Variants in DSG2 observed in about 807,000 individuals in gnomAD.
DSG2 encodes the protein desmoglein 2.
Under a neutral mutation model 75.6 loss-of-function variants are expected in DSG2, and 45 were observed. That is an observed-to-expected ratio of 0.60 (90% CI 0.47 to 0.76). The LOEUF is 0.76. Among genes scored for constraint, DSG2 ranks in the 30% least tolerant of loss-of-function variants. The pLI is 0.00. For missense variants in DSG2, 1,267 were observed against 1,357.4 expected, an observed-to-expected ratio of 0.93 and a Z score of 1.05; for synonymous variants, 429 against 483.9, an observed-to-expected ratio of 0.89 and a Z score of 1.49.
intron 8 of DSG2, among the ~76,000 whole-genome samples, chr18:31,526,168 T>C (rs1453289968): frequency 1.3e-5 from 2 of 152,146 alleles, no homozygotes; most frequent in African/African-American, 2.4e-5. Context: ...AGGAATAATA[T>C]CAGTGTATTT....
At chr18:31,530,245 T>C (rs2073186502) in intron 8 of DSG2, among the ~76,000 whole-genome samples, 1 of 152,138 alleles carries the variant, frequency 6.6e-6, no homozygotes, top group South Asian at 2.1e-4. Context: ...GTGTAATATA[T>C]AGCTATATTA....
Position 31,534,534 on chromosome 18 carries a change from G to A in DSG2, c.1281-736G>A, listed in dbSNP as rs191163873. Among the ~76,000 whole-genome samples, 523 of 78,024 alleles carry A rather than the reference G, an allele frequency of 6.7e-3. 5 individuals carry two copies. The highest frequency in any genetic ancestry group is 0.026 in the African/African-American group (511 of 19,990). The allele number at this position is 78,024 out of a possible 152,430, so 51.2% of individuals were successfully genotyped here. A position where few individuals can be genotyped will look rare whatever the true frequency, so the allele number is the denominator to read the frequency against. On this transcript the variant is annotated intron_variant, in intron 9 of 14. Coordinates refer to ENST00000261590, the MANE Select transcript of DSG2 (RefSeq NM_001943.5). ...TTTTTTTTTTTTTTTTTTTTGAGAT[G>A]GAGTTTTGCTCTGTCACCCAGGCTA...
At chr18:31,527,101 T>C (rs2073167361) in intron 8 of DSG2, among the ~76,000 whole-genome samples, 1 of 152,214 alleles carries the variant, frequency 6.6e-6, no homozygotes, top group Admixed American at 6.5e-5. Context: ...TGGTGAGTGC[T>C]CTATACAGCT....
At chr18:31,513,760 G>GA (rs2073079147) in intron 1 of DSG2, among the ~76,000 whole-genome samples, 1 of 152,178 alleles carries the variant, frequency 6.6e-6, no homozygotes, top group Non-Finnish European at 1.5e-5. Context: ...TAGGGACTGG[G>GA]AAAAATAGTA....
chr18:31,522,992 G>A (rs1488173309), intron 6 of DSG2, among the ~76,000 whole-genome samples: 1 of 152,162 alleles, frequency 6.6e-6, no homozygotes, highest in Non-Finnish European at 1.5e-5. Context: ...TTTTTTAAAT[G>A]CTGTATACAT....
chr18:31,513,730 C>T (rs1263695973), intron 1 of DSG2, among the ~76,000 whole-genome samples: 3 of 152,194 alleles, frequency 2.0e-5, no homozygotes, highest in African/African-American at 7.2e-5. Flanking sequence ...GACTTAATGA[C>T]TCACTCCCAA....
intron 8 of DSG2, among the ~76,000 whole-genome samples, chr18:31,525,283 A>C (rs1026085987): frequency 3.3e-5 from 5 of 152,194 alleles, no homozygotes; most frequent in African/African-American, 1.2e-4. Context: ...TGAGAAGCCA[A>C]GGCAGGCAGA....
intron 5 of DSG2, among the ~76,000 whole-genome samples, chr18:31,521,446 T>A (rs2073127981): frequency 6.6e-6 from 1 of 151,886 alleles, no homozygotes; most frequent in South Asian, 2.1e-4. Context: ...ACAGATAGGG[T>A]AGATTAATGT....
rs35743180 is a variant in DSG2, at chr18:31,538,974, G to C, written c.1875G>C (p.Leu625=). 362 of 1,613,076 alleles carry C rather than the reference G, an allele frequency of 2.2e-4. 2 individuals are homozygous for C. In the African/African-American group the frequency reaches 4.1e-3, roughly 18 times the overall value. The change falls in exon 12 of 15, where the codon CTG becomes CTC. Residue 625 remains leucine, a synonymous_variant. Transcript: ENST00000261590. ...IALMILAFLL[L]LLVPLLLLMC... ...TCATGATTTTGGCCTTTCTGCTCCT[G>C]CTATGTAAGTCTTTAAAAGCCACTC...
intron 1 of DSG2, among the ~76,000 whole-genome samples, chr18:31,515,394 T>G (rs1598807526): frequency 6.6e-6 from 1 of 152,232 alleles, no homozygotes; most frequent in African/African-American, 2.4e-5. Flanking sequence ...TGTGAGCCAC[T>G]GTACCCGGCC....
intron 3 of DSG2, among the ~76,000 whole-genome samples, chr18:31,520,272 A>G (rs1161974144): frequency 6.6e-6 from 1 of 152,150 alleles, no homozygotes; most frequent in African/African-American, 2.4e-5. Flanking sequence ...TTCAAGATGA[A>G]CTGGTGTCTA....
intron 6 of DSG2, chr18:31,522,740 A>C (rs1340447655): frequency 6.4e-6 from 1 of 155,750 alleles, no homozygotes; most frequent in Non-Finnish European, 1.4e-5. Flanking sequence ...CTCAGTTTGC[A>C]GTTCTCTAAT....
At chr18:31,520,581 A>C (rs907972968) in intron 3 of DSG2, among the ~76,000 whole-genome samples, 1 of 152,204 alleles carries the variant, frequency 6.6e-6, no homozygotes, top group African/African-American at 2.4e-5. Flanking sequence ...TATTCCAAAA[A>C]TATATTCCAA....
In DSG2 at chr18:31,542,551, G is replaced by A; in HGVS notation, c.2033G>A (p.Gly678Glu). 6.2e-7 allele frequency: 1 copy of A among 1,614,068 alleles called. No individual in the cohort carries two copies. Among genetic ancestry groups the A allele is most frequent in the Non-Finnish European group, 8.5e-7 (1 of 1,180,028 alleles). ...VVPSFLPVDQ[G>E]GSLVGRNGVG... ...CCATCATTTCTGCCAGTGGATCAAG[G>A]GGGCAGTCTAGTAGGAAGAAATGGA... The change falls in exon 14 of 15, where the codon GGG becomes GAG. Residue 678 changes from glycine to glutamate, a missense_variant. Transcript: ENST00000261590.
At chr18:31,533,066 C>CT (rs1358674641) in intron 9 of DSG2, among the ~76,000 whole-genome samples, 1 of 152,120 alleles carries the variant, frequency 6.6e-6, no homozygotes, top group Non-Finnish European at 1.5e-5. Context: ...AAGAAAAGGT[C>CT]TTAAAGACCA....
At chr18:31,530,845 A>C in intron 8 of DSG2, 142 bp from the exon 9 acceptor site, 4 of 739,252 alleles carry the variant, frequency 5.4e-6, no homozygotes, top group Non-Finnish European at 8.7e-6. Flanking sequence ...GTGTCAGTAT[A>C]AGAGTTGGAC....
intron 11 of DSG2, 140 bp downstream of exon 11, chr18:31,536,569 A>G (rs1417684217): frequency 1.2e-6 from 1 of 848,816 alleles, no homozygotes; most frequent in African/African-American, 1.7e-5. Flanking sequence ...TCCTGAACCT[A>G]CTGACATATA....
intron 1 of DSG2, among the ~76,000 whole-genome samples, chr18:31,513,629 T>C (rs1419292081): frequency 6.6e-6 from 1 of 152,210 alleles, no homozygotes; most frequent in Non-Finnish European, 1.5e-5. Context: ...CAGTATGTAT[T>C]ACTCTCCTGT....
intron 1 of DSG2, among the ~76,000 whole-genome samples, chr18:31,513,335 C>T (rs1252813216): frequency 1.3e-5 from 2 of 152,154 alleles, no homozygotes; most frequent in East Asian, 1.9e-4. Flanking sequence ...TCAACAGTCT[C>T]CAGAGGCACT....
Sources: allele counts gnomAD v4.1 joint callset (sites outside exome capture counted in the v4.1 genomes callset), GRCh38; gene constraint gnomAD v4.1.1; transcripts MANE v1.5; gene names NCBI Gene and HGNC (gene_info 2026-07-23, HGNC 2026-07-21).